OS9: variants seen among roughly 807,000 people sequenced by gnomAD.
The protein encoded by OS9 is protein OS-9.
OS9 carries 58 observed loss-of-function variants against 84.7 expected under a neutral mutation model. The ratio of observed to expected loss-of-function variants is 0.68; its 90% CI spans 0.55 to 0.85. The LOEUF is 0.85. Among genes scored for constraint, OS9 ranks in the 40% least tolerant of loss-of-function variants. The pLI, the probability that OS9 is intolerant of heterozygous loss-of-function variation, is 0.00. For missense variants in OS9, 760 were observed against 850.9 expected, an observed-to-expected ratio of 0.89 and a Z score of 1.33; for synonymous variants, 278 against 320.8, an observed-to-expected ratio of 0.87 and a Z score of 1.43.
rs1481834573 is a variant in OS9, at chr12:57,721,169, C to T, written c.*260C>T. Reference sequence around the variant, plus strand: ...TCAATCCTCTTCCTCTCCTCTGTGGCTTTTCCTGTTATTGTCCCCTAATGA... The same window carrying T: ...TCAATCCTCTTCCTCTCCTCTGTGGTTTTTCCTGTTATTGTCCCCTAATGA... On this transcript the variant is annotated 3_prime_UTR_variant, in exon 15 of 15. Transcript: ENST00000315970. The T allele has an allele frequency of 4.7e-6, 2 of 423,792 alleles. No individual in the cohort carries two copies. Among genetic ancestry groups the T allele is most frequent in the Admixed American group, 3.9e-5 (1 of 25,490 alleles). The allele number at this position is 423,792 out of a possible 1,614,324, so 26.3% of individuals were successfully genotyped here.
At chr12:57,719,272 C>A (rs1954606899) in intron 12 of OS9, 90 bp downstream of exon 12, 2 of 1,104,570 alleles carry the variant, frequency 1.8e-6, no homozygotes, top group South Asian at 1.5e-5. Context: ...TGTTCCTTCC[C>A]TTCTGAGGGT....
At chr12:57,696,652 C>T (rs1953854652) in intron 5 of OS9, among the ~76,000 whole-genome samples, 2 of 151,970 alleles carry the variant, frequency 1.3e-5, no homozygotes, top group East Asian at 1.9e-4. Context: ...AAAAATTAGC[C>T]GGGCGTGGTA....
intron 5 of OS9, 29 bp downstream of exon 5, chr12:57,696,402 T>C: frequency 8.9e-7 from 1 of 1,117,398 alleles, no homozygotes; most frequent in Non-Finnish European, 1.2e-6. Flanking sequence ...AAGTTGACAC[T>C]CCCACAGGGA....
intron 2 of OS9, 200 bp from the exon 3 acceptor site, chr12:57,695,579 TA>T: frequency 1.4e-6 from 1 of 705,102 alleles, no homozygotes; most frequent in South Asian, 1.5e-5. Flanking sequence ...AAACAGACTT[TA>T]GAGATATCTC....
chr12:57,719,048 C>T lies in OS9; in HGVS notation c.1466C>T (p.Ala489Val), dbSNP rs950578652. ...AAGAAGGAGTCAGAGCGGGATCGGG[C>T]AATGCTGGCTCTCACATCCACTCTC... ...GLKKESERDR[A>V]MLALTSTLNK... is the part of the protein sequence containing the mutation. Residue 489 changes from alanine to valine, a missense_variant, in exon 12 of 15, where the codon GCA becomes GTA. By Grantham distance (64) the Ala-to-Val change is moderately conservative. Transcript: ENST00000315970. The T allele has an allele frequency of 1.2e-6, 2 of 1,613,992 alleles. No homozygotes were observed. The highest frequency in any genetic ancestry group is 2.7e-5 in the African/African-American group (2 of 75,012).
Position 57,720,952 on chromosome 12 carries a change from C to G in OS9, c.*43C>G, listed in dbSNP as rs1226952221. 2 of 1,611,876 alleles carry G rather than the reference C, an allele frequency of 1.2e-6. No individual in the cohort carries two copies. ...ACCCTTCACGGAATCCAGACTCTTC[C>G]TGGACTGGCTTGCCTCCTCCCCACC... On this transcript the variant is annotated 3_prime_UTR_variant, in exon 15 of 15. Transcript: ENST00000315970.
In OS9 at chr12:57,716,234, T is replaced by C. The variant is rs1256952070; in HGVS notation, c.892+41T>C. The stretch of plus-strand genomic sequence containing the variant: ...ACCTGTTCCGTGAAACTCACTTCCA[T>C]TTCTTCCCTTCCCCTGATCTTACTG... On this transcript the variant is annotated intron_variant, in intron 7 of 14. Transcript: ENST00000315970. 3 of 1,295,050 alleles carry C rather than the reference T, an allele frequency of 2.3e-6. No homozygotes were observed. In the Admixed American group the frequency reaches 5.5e-5, roughly 24 times the overall value. The allele number at this position is 1,295,050 out of a possible 1,614,324, so 80.2% of individuals were successfully genotyped here. A position where few individuals can be genotyped will look rare whatever the true frequency, so the allele number is the denominator to read the frequency against.
At chr12:57,719,723 C>A in intron 12 of OS9, 1 of 223,442 alleles carries the variant, frequency 4.5e-6, no homozygotes, top group Non-Finnish European at 8.9e-6. Context: ...CCCACTCTCT[C>A]TATAAACATT....
At chr12:57,699,848 C>A (rs1036294701) in intron 5 of OS9, among the ~76,000 whole-genome samples, 4 of 152,188 alleles carry the variant, frequency 2.6e-5, no homozygotes, top group African/African-American at 9.7e-5. Context: ...ATAATCCCAG[C>A]ACTTTGGGAG....
chr12:57,714,786 T>C (rs1565778293), intron 5 of OS9, among the ~76,000 whole-genome samples: 1 of 151,856 alleles, frequency 6.6e-6, no homozygotes, highest in Non-Finnish European at 1.5e-5. Flanking sequence ...TTTGTGGAGA[T>C]GAGTCTCACT....
intron 5 of OS9, among the ~76,000 whole-genome samples, chr12:57,711,152 T>C (rs1954317971): frequency 6.6e-6 from 1 of 151,434 alleles, no homozygotes; most frequent in Non-Finnish European, 1.5e-5. Context: ...AGGTTAACCC[T>C]GGTCTTAGTT....
chr12:57,720,285 G>A (rs755469407), intron 13 of OS9, 22 bp downstream of exon 13: 1 of 1,613,238 alleles, frequency 6.2e-7, no homozygotes, highest in East Asian at 2.2e-5. Flanking sequence ...AGGGCGGCTG[G>A]ACCCAGTGCT....
chr12:57,714,935 C>T (rs1373223062), intron 5 of OS9, among the ~76,000 whole-genome samples: 1 of 152,112 alleles, frequency 6.6e-6, no homozygotes. Flanking sequence ...ATATTGCATG[C>T]TTAATTTATC....
chr12:57,707,224 C>T (rs567039922), intron 5 of OS9, among the ~76,000 whole-genome samples: 81 of 152,038 alleles, frequency 5.3e-4, no homozygotes, highest in African/African-American at 1.7e-3. Flanking sequence ...TTTTGTTTAT[C>T]CTCTCTGTTG....
At chr12:57,707,783 A>AT (rs200575493) in intron 5 of OS9, among the ~76,000 whole-genome samples, 3,160 of 151,698 alleles carry the variant, frequency 0.021, 104 homozygotes, top group African/African-American at 0.07. Flanking sequence ...AACAACTTGA[A>AT]TTTTTTTTAA....
At chr12:57,701,848 G>T (rs1954035888) in intron 5 of OS9, among the ~76,000 whole-genome samples, 1 of 151,938 alleles carries the variant, frequency 6.6e-6, no homozygotes, top group Non-Finnish European at 1.5e-5. Flanking sequence ...CCAGGCTGGA[G>T]TGCAATGGCG....
At chr12:57,708,516 T>A (rs1684654624) in intron 5 of OS9, among the ~76,000 whole-genome samples, 1 of 151,836 alleles carries the variant, frequency 6.6e-6, no homozygotes, top group Non-Finnish European at 1.5e-5. Flanking sequence ...TGGTCCCAGC[T>A]GCTCAGGAGG....
rs1388592718 is a variant in OS9 at position 57,718,229 on chromosome 12, T to C, written c.1218T>C (p.Asp406=). ...PQREPEKERG[D]PERQREMEEE... is the part of the protein sequence containing the mutation. ...GGGAACCAGAGAAGGAAAGGGGTGA[T>C]CCAGAACGGCAGAGAGAGATGGAAG... The change falls in exon 11 of 15, where the codon GAT becomes GAC. Residue 406 remains aspartate, a synonymous_variant. Transcript: ENST00000315970. 9 of 1,614,060 alleles carry C rather than the reference T, an allele frequency of 5.6e-6. No individual in the cohort carries two copies. The highest frequency in any genetic ancestry group is 7.6e-6 in the Non-Finnish European group (9 of 1,180,014).
At chr12:57,701,083 G>T (rs1195576618) in intron 5 of OS9, among the ~76,000 whole-genome samples, 1 of 141,508 alleles carries the variant, frequency 7.1e-6, no homozygotes, top group East Asian at 2.1e-4. Flanking sequence ...TCTCCCTCCC[G>T]CCAGAAACAA....
Sources: gnomAD v4.1 joint callset for allele counts (sites outside exome capture counted in the v4.1 genomes callset) on GRCh38, gnomAD v4.1.1 for gene constraint, MANE v1.5 for transcripts, NCBI Gene and HGNC (gene_info 2026-07-23, HGNC 2026-07-21) for gene names.